The following C2orf76 variants were observed in gnomAD, a reference collection of about 807,000 sequenced individuals.
The protein encoded by C2orf76 is chromosome 2 open reading frame 76, also known as UPF0538 protein C2orf76.
C2orf76 carries 23 observed loss-of-function variants against 16.9 expected under a neutral mutation model. The observed-to-expected ratio is 1.36, with a 90% CI of 0.98 to 1.93. C2orf76 has a LOEUF of 1.93. Among genes scored for constraint, C2orf76 ranks in the 30% most tolerant of loss-of-function variants. The pLI, the probability that C2orf76 is intolerant of heterozygous loss-of-function variation, is 0.00. For synonymous variants in C2orf76, 48 were observed against 52.3 expected (o/e 0.92, Z 0.35); for missense variants, 152 against 152.6 (o/e 1.00, Z 0.02).
Position 119,343,056 on chromosome 2 carries a change from A to G in C2orf76, c.-12-3085T>C, listed in dbSNP as rs184435002. Among the ~76,000 whole-genome samples, 411 of 152,234 alleles carry G rather than the reference A, an allele frequency of 2.7e-3. 7 individuals carry two copies. Among genetic ancestry groups the G allele is most frequent in the Admixed American group, 0.021 (328 of 15,284 alleles). The stretch of plus-strand genomic sequence containing the variant: ...AAGTATATCATTCTTTATGCCTTTT[A>G]GTATGTCTGGAATATTTTATAACAT... On this transcript the variant is annotated intron_variant, in intron 1 of 5. Transcript: ENST00000334816.
rs750312660 is a variant in C2orf76, at chr2:119,317,454, T to G, written c.222+12A>C. On this transcript the variant is annotated intron_variant, in intron 4 of 5. Coordinates refer to ENST00000334816, the MANE Select transcript of C2orf76 (RefSeq NM_001322331.2). ...CTTGCTATGTGCCAGATACTGTACC[T>G]GTGGAACATACCTTTGATTTATGTG... 2 of 1,592,126 alleles carry G rather than the reference T, an allele frequency of 1.3e-6. No individual in the cohort carries two copies. Among genetic ancestry groups the G allele is most frequent in the East Asian group, 2.3e-5 (1 of 44,422 alleles).
chr2:119,344,469 G>A (rs1279803237), intron 1 of C2orf76, among the ~76,000 whole-genome samples: 1 of 152,126 alleles, frequency 6.6e-6, no homozygotes, highest in Non-Finnish European at 1.5e-5. Flanking sequence ...TTAAATAAAT[G>A]AAATGATAGA....
chr2:119,334,118 A>T (rs1390606887), intron 2 of C2orf76, among the ~76,000 whole-genome samples: 1 of 152,154 alleles, frequency 6.6e-6, no homozygotes, highest in African/African-American at 2.4e-5. Context: ...TCTAAGTAAA[A>T]GAAGCCATTC....
chr2:119,334,379 C>CAAAAA lies in C2orf76; in HGVS notation c.133+5443_133+5447dup, dbSNP rs34753333. 2.8e-3 allele frequency among the ~76,000 whole-genome samples: 203 copies of CAAAAA among 71,546 alleles called. 1 individual carries two copies. Among genetic ancestry groups the CAAAAA allele is most frequent in the Admixed American group, 3.3e-3 (17 of 5,156 alleles). The allele number at this position is 71,546 out of a possible 152,430, so 46.9% of individuals were successfully genotyped here. ...AGAGTGAACCTCAATGTATGCAAAG[C>CAAAAA]AAAAAAAAAAAAAAAAAAAAAAAAA... is the stretch of plus-strand genomic sequence containing the variant. On this transcript the variant is annotated intron_variant, in intron 2 of 5. Coordinates refer to ENST00000334816, the MANE Select transcript of C2orf76 (RefSeq NM_001322331.2).
intron 1 of C2orf76, among the ~76,000 whole-genome samples, chr2:119,365,001 T>C (rs1680880565): frequency 6.6e-6 from 1 of 152,164 alleles, no homozygotes; most frequent in Non-Finnish European, 1.5e-5. Flanking sequence ...GGAGGATCGC[T>C]TGAGGCCTGG....
intron 1 of C2orf76, among the ~76,000 whole-genome samples, chr2:119,346,348 C>T (rs1680201156): frequency 6.6e-6 from 1 of 152,176 alleles, no homozygotes; most frequent in Admixed American, 6.5e-5. Flanking sequence ...GTGTGCACAG[C>T]ATATCCATGT....
At chr2:119,322,405 G>T (rs1679373759) in intron 2 of C2orf76, among the ~76,000 whole-genome samples, 1 of 152,010 alleles carries the variant, frequency 6.6e-6, no homozygotes, top group African/African-American at 2.4e-5. Context: ...ATGGGGTTTT[G>T]TCATGTTGCC....
chr2:119,346,261 A>G (rs1680199092), intron 1 of C2orf76, among the ~76,000 whole-genome samples: 2 of 152,120 alleles, frequency 1.3e-5, no homozygotes, highest in Admixed American at 1.3e-4. Context: ...TACCCATTAT[A>G]TAACCCAGTA....
chr2:119,339,955 G>A lies in C2orf76; in HGVS notation c.5C>T (p.Ala2Val), dbSNP rs995100039. The A allele has an allele frequency of 1.2e-6, 2 of 1,609,154 alleles. No homozygotes were observed. The highest frequency in any genetic ancestry group is 1.7e-6 in the Non-Finnish European group (2 of 1,175,830). M[A>V]PGEVTITVRL... ...AACTGTGATGGTCACTTCTCCAGGA[G>A]CCATGTGAAGAAATTCCTGTGGCAA... Residue 2 changes from alanine to valine, a missense_variant, in exon 2 of 6, where the codon GCT (alanine) becomes GTT (valine). By Grantham distance (64) the Ala-to-Val change is moderately conservative. Transcript: ENST00000334816.
intron 5 of C2orf76, among the ~76,000 whole-genome samples, chr2:119,305,776 T>C (rs1311364500): frequency 6.6e-6 from 1 of 152,266 alleles, no homozygotes; most frequent in East Asian, 1.9e-4. Flanking sequence ...TTCAAAGCTG[T>C]GCTCACAGCT....
intron 1 of C2orf76, among the ~76,000 whole-genome samples, chr2:119,347,630 A>C (rs1680246917): frequency 6.6e-6 from 1 of 152,028 alleles, no homozygotes; most frequent in African/African-American, 2.4e-5. Context: ...CCCAGCACTT[A>C]GGAGGCCGAG....
chr2:119,290,666 C>T, the C2orf76 span, among the ~76,000 whole-genome samples: 5 of 151,916 alleles, frequency 3.3e-5, no homozygotes, highest in African/African-American at 9.7e-5. Flanking sequence ...CCTGTCTCTA[C>T]TAAAAATACA....
chr2:119,326,491 G>A (rs535340331), intron 2 of C2orf76, among the ~76,000 whole-genome samples: 1 of 152,220 alleles, frequency 6.6e-6, no homozygotes, highest in Admixed American at 6.5e-5. Context: ...ATGAAATAAG[G>A]TAGTGTAATT....
chr2:119,337,966 T>C (rs1172627120), intron 2 of C2orf76, among the ~76,000 whole-genome samples: 1 of 152,242 alleles, frequency 6.6e-6, no homozygotes, highest in Non-Finnish European at 1.5e-5. Context: ...TAGTCTGTAC[T>C]GTACAAAGAA....
intron 1 of C2orf76, among the ~76,000 whole-genome samples, chr2:119,354,752 C>T (rs1458329788): frequency 1.3e-5 from 2 of 152,142 alleles, no homozygotes; most frequent in East Asian, 3.8e-4. Flanking sequence ...AGTCTTCAAC[C>T]TCAGCCATTT....
intron 2 of C2orf76, among the ~76,000 whole-genome samples, chr2:119,328,873 C>T (rs1168543292): frequency 1.3e-5 from 2 of 152,054 alleles, no homozygotes; most frequent in Admixed American, 6.6e-5. Context: ...TATTTGGTTT[C>T]CAAATATTTG....
chr2:119,348,550 G>A (rs1680278475), intron 1 of C2orf76, among the ~76,000 whole-genome samples: 1 of 152,180 alleles, frequency 6.6e-6, no homozygotes, highest in Non-Finnish European at 1.5e-5. Flanking sequence ...GCCAGGCGTG[G>A]TGGTGCGCGC....
At chr2:119,366,501 C>G (rs1363188587) in intron 1 of C2orf76, 1 of 471,806 alleles carries the variant, frequency 2.1e-6, no homozygotes, top group Non-Finnish European at 4.4e-6. Flanking sequence ...TCCACCATCA[C>G]GCTGCTCATC....
chr2:119,305,168 C>A (rs1678738215), intron 5 of C2orf76, among the ~76,000 whole-genome samples: 3 of 152,128 alleles, frequency 2.0e-5, no homozygotes, highest in African/African-American at 2.4e-5. Context: ...AACCAAGAAC[C>A]CTCCAAATAC....
Sources: allele counts gnomAD v4.1 joint callset (sites outside exome capture counted in the v4.1 genomes callset), GRCh38; gene constraint gnomAD v4.1.1; transcripts MANE v1.5; gene names NCBI Gene and HGNC (gene_info 2026-07-23, HGNC 2026-07-21).